Variants in PRKCE observed in about 807,000 individuals in gnomAD.
PRKCE encodes protein kinase C epsilon type.
Under a neutral mutation model 85.4 loss-of-function variants are expected in PRKCE, and 16 were observed. The observed-to-expected ratio is 0.19, with a 90% CI of 0.13 to 0.28. The LOEUF is 0.28. Ranked by LOEUF, PRKCE falls within the 10% of genes least tolerant of loss-of-function variation. The probability of loss-of-function intolerance (pLI) is 1.00; values close to 1 mark genes in which losing one functional copy is unlikely to be tolerated. For missense variants in PRKCE, 573 were observed against 975.2 expected (o/e 0.59, Z 5.49); for synonymous variants, 388 against 371.5 (o/e 1.04, Z -0.51).
intron 1 of PRKCE, among the ~76,000 whole-genome samples, chr2:45,690,949 A>T (rs1028827536): frequency 6.6e-6 from 1 of 152,228 alleles, no homozygotes; most frequent in Non-Finnish European, 1.5e-5. Flanking sequence ...GGGCACTGCA[A>T]ATTTATTTTG....
At chr2:46,094,054 A>T (rs76858890) in intron 11 of PRKCE, among the ~76,000 whole-genome samples, 1 of 152,166 alleles carries the variant, frequency 6.6e-6, no homozygotes, top group Non-Finnish European at 1.5e-5. Flanking sequence ...CAAACTGTCC[A>T]TATCTCCTTT....
At chr2:45,752,852 T>A (rs1457935238) in intron 1 of PRKCE, among the ~76,000 whole-genome samples, 1 of 152,048 alleles carries the variant, frequency 6.6e-6, no homozygotes, top group Admixed American at 6.5e-5. Context: ...TACTGGGACT[T>A]AGTGGCTTAT....
intron 11 of PRKCE, among the ~76,000 whole-genome samples, chr2:46,133,021 G>A (rs753718009): frequency 2.5e-4 from 38 of 152,156 alleles, no homozygotes; most frequent in Non-Finnish European, 4.6e-4. Context: ...CCTAAAAGGG[G>A]CTAACCAATC....
chr2:45,901,070 T>C (rs902936739), intron 2 of PRKCE, among the ~76,000 whole-genome samples: 1 of 152,202 alleles, frequency 6.6e-6, no homozygotes, highest in African/African-American at 2.4e-5. Flanking sequence ...TTCTGATGAA[T>C]TGACATTTGG....
chr2:45,893,955 G>C (rs956661160), intron 2 of PRKCE, among the ~76,000 whole-genome samples: 1 of 152,106 alleles, frequency 6.6e-6, no homozygotes, highest in African/African-American at 2.4e-5. Flanking sequence ...CCGGGCAAGG[G>C]ACTTCTAACT....
intron 1 of PRKCE, among the ~76,000 whole-genome samples, chr2:45,729,658 G>C (rs924463279): frequency 6.6e-6 from 1 of 152,220 alleles, no homozygotes; most frequent in Non-Finnish European, 1.5e-5. Context: ...CTGTACTAGA[G>C]ATTCTAGGCT....
At chr2:46,032,627 A>G (rs1707605186) in intron 10 of PRKCE, among the ~76,000 whole-genome samples, 1 of 152,180 alleles carries the variant, frequency 6.6e-6, no homozygotes, top group Non-Finnish European at 1.5e-5. Flanking sequence ...TAGGCTGAAA[A>G]AATGCCCAGG....
At chr2:45,703,941 A>G (rs1303725797) in intron 1 of PRKCE, among the ~76,000 whole-genome samples, 2 of 152,244 alleles carry the variant, frequency 1.3e-5, no homozygotes, top group Non-Finnish European at 2.9e-5. Flanking sequence ...TCCAAATAGC[A>G]AATGGGTAGA....
At position 46,138,712 on chromosome 2, in the gene PRKCE, C is replaced by G. The variant is rs190044095; in HGVS notation, c.1593-6381C>G. On this transcript the variant is annotated intron_variant, in intron 11 of 14. Coordinates refer to ENST00000306156, the MANE Select transcript of PRKCE (RefSeq NM_005400.3). The surrounding 1 kb of genome is among the most constrained non-coding windows in gnomAD (Gnocchi z 4.2). ...TGTCTGGAGACACAGTTGGTTGTCACAGCTGGAGAGGGGGCATACTAATAG... is the reference window on the plus strand; with the variant it reads ...TGTCTGGAGACACAGTTGGTTGTCAGAGCTGGAGAGGGGGCATACTAATAG... 6.6e-6 allele frequency among the ~76,000 whole-genome samples: 1 copy of G among 152,302 alleles called. No homozygotes were observed. Among genetic ancestry groups the G allele is most frequent in the Admixed American group, 6.5e-5 (1 of 15,294 alleles).
intron 1 of PRKCE, among the ~76,000 whole-genome samples, chr2:45,727,724 G>A (rs1573088580): frequency 1.3e-5 from 2 of 152,018 alleles, no homozygotes; most frequent in African/African-American, 4.8e-5. Context: ...GTGCGATCTC[G>A]GCTCACTGTA....
intron 2 of PRKCE, among the ~76,000 whole-genome samples, chr2:45,885,001 A>ATATATTTTTTT (rs1342824133): frequency 2.8e-5 from 2 of 71,544 alleles, no homozygotes; most frequent in Non-Finnish European, 5.4e-5. Context: ...ATATATATAT[A>ATATATTTTTTT]TTTGTTGTTG....
intron 11 of PRKCE, among the ~76,000 whole-genome samples, chr2:46,128,159 A>G (rs1674052184): frequency 6.6e-6 from 1 of 152,094 alleles, no homozygotes; most frequent in African/African-American, 2.4e-5. Flanking sequence ...TTCCCCCTCT[A>G]GTTTTTGTTA....
chr2:45,716,690 A>AAAGGAAG (rs1553387083), intron 1 of PRKCE, among the ~76,000 whole-genome samples: 1 of 112,428 alleles, frequency 8.9e-6, no homozygotes, highest in Non-Finnish European at 1.8e-5. Flanking sequence ...GAAGAAGAAG[A>AAAGGAAG]GAAGGAAGGA....
At chr2:46,048,771 C>T (rs896184862) in intron 10 of PRKCE, among the ~76,000 whole-genome samples, 6 of 152,178 alleles carry the variant, frequency 3.9e-5, no homozygotes, top group African/African-American at 1.4e-4. Context: ...TGCAAAAGGA[C>T]ACCAGGTCAT....
At chr2:46,031,598 G>A (rs1277069540) in intron 10 of PRKCE, among the ~76,000 whole-genome samples, 20 of 58,970 alleles carry the variant, frequency 3.4e-4, no homozygotes, top group Admixed American at 1.5e-3. Flanking sequence ...GCTCGTGTGT[G>A]TGTGTGTGTG....
At chr2:45,899,770 CA>C (rs1696435011) in intron 2 of PRKCE, among the ~76,000 whole-genome samples, 1 of 152,180 alleles carries the variant, frequency 6.6e-6, no homozygotes, top group Non-Finnish European at 1.5e-5. Flanking sequence ...TAGTGCTGTG[CA>C]GAGCATTCCT....
intron 14 of PRKCE, among the ~76,000 whole-genome samples, chr2:46,164,343 C>T (rs904332797): frequency 1.3e-5 from 2 of 152,136 alleles, no homozygotes; most frequent in South Asian, 2.1e-4. Flanking sequence ...AGACATTGGG[C>T]GTGTGTTTAA....
intron 1 of PRKCE, among the ~76,000 whole-genome samples, chr2:45,740,423 G>A (rs899573398): frequency 2.0e-5 from 3 of 152,082 alleles, no homozygotes; most frequent in African/African-American, 7.2e-5. Flanking sequence ...GGCTGGAAGG[G>A]GAGAGGAAAA....
At chr2:45,903,881 G>GTT (rs34124689) in intron 2 of PRKCE, among the ~76,000 whole-genome samples, 13 of 117,188 alleles carry the variant, frequency 1.1e-4, no homozygotes, top group East Asian at 6.9e-4. Context: ...TAGCCTGGCA[G>GTT]TTTTTTTTTG....
Sources: allele counts gnomAD v4.1 joint callset (sites outside exome capture counted in the v4.1 genomes callset), GRCh38; gene constraint gnomAD v4.1.1; non-coding constraint Gnocchi (gnomAD v3.1); transcripts MANE v1.5; gene names NCBI Gene and HGNC (gene_info 2026-07-23, HGNC 2026-07-21).